KAT2B: variants seen among roughly 807,000 people sequenced by gnomAD.
KAT2B encodes histone acetyltransferase KAT2B.
A neutral mutation model predicts 105.9 loss-of-function variants in KAT2B; 36 were observed. That is an observed-to-expected ratio of 0.34 (90% CI 0.26 to 0.45). The LOEUF (loss-of-function observed/expected upper bound fraction) is 0.45, where lower values mean the gene tolerates loss of function less well. Among genes scored for constraint, KAT2B ranks in the 20% least tolerant of loss-of-function variants. The pLI is 1.00. For missense variants in KAT2B, 820 were observed against 1,021.6 expected, an observed-to-expected ratio of 0.80 and a Z score of 2.69; for synonymous variants, 397 against 377.9, an observed-to-expected ratio of 1.05 and a Z score of -0.59.
chr3:20,057,126 A>C (rs1698015533), intron 1 of KAT2B, among the ~76,000 whole-genome samples: 1 of 152,180 alleles, frequency 6.6e-6, no homozygotes. Flanking sequence ...TAGATCTGAC[A>C]GAGTTTGAAA....
intron 13 of KAT2B, 38 bp downstream of exon 13, chr3:20,140,402 C>T (rs749141180): frequency 6.2e-6 from 10 of 1,606,544 alleles, no homozygotes; most frequent in Non-Finnish European, 8.5e-6. Flanking sequence ...TCTGTACAGG[C>T]CAGTCTTAGC....
chr3:20,048,234 A>G (rs557770099), intron 1 of KAT2B, among the ~76,000 whole-genome samples: 1 of 152,334 alleles, frequency 6.6e-6, no homozygotes, highest in Non-Finnish European at 1.5e-5. Context: ...TCCAAATTTA[A>G]TTCTGTATCC....
chr3:20,086,074 C>T (rs1698609038), intron 2 of KAT2B, among the ~76,000 whole-genome samples: 1 of 149,958 alleles, frequency 6.7e-6, no homozygotes, highest in Non-Finnish European at 1.5e-5. Context: ...AGTTCGAGAC[C>T]AGCCTGGACA....
chr3:20,112,542 C>T (rs1008557617), intron 6 of KAT2B, among the ~76,000 whole-genome samples: 10 of 152,110 alleles, frequency 6.6e-5, no homozygotes, highest in African/African-American at 2.4e-4. Context: ...GTGGGATAGG[C>T]CAAGGGTGCA....
chr3:20,070,254 C>T (rs1179316726), intron 1 of KAT2B, among the ~76,000 whole-genome samples: 3 of 151,940 alleles, frequency 2.0e-5, no homozygotes, highest in East Asian at 1.9e-4. Flanking sequence ...GATTTTTCTT[C>T]TACCATGACC....
chr3:20,119,431 A>G (rs1000650172), intron 7 of KAT2B, among the ~76,000 whole-genome samples, 167 bp from the exon 8 acceptor site: 1 of 152,170 alleles, frequency 6.6e-6, no homozygotes, highest in Non-Finnish European at 1.5e-5. Flanking sequence ...TTAATGAGTT[A>G]TAGTCCCTGC....
chr3:20,095,456 AC>A, intron 3 of KAT2B, 48 bp downstream of exon 3: 1 of 1,361,862 alleles, frequency 7.3e-7, no homozygotes, highest in Non-Finnish European at 1.0e-6. Flanking sequence ...ATTCAAATGT[AC>A]CCAGTCTCCA....
At chr3:20,121,732 ATGTGTGTGTGTGTGTGTGTGTG>A (rs3840188) in intron 8 of KAT2B, among the ~76,000 whole-genome samples, 12 of 109,852 alleles carry the variant, frequency 1.1e-4, no homozygotes, top group Admixed American at 1.7e-4. Flanking sequence ...ACATATGCAT[ATGTGTGTGTGTGTGTGTGTGTG>A]TGTGTGTGTG....
At chr3:20,117,682 G>A (rs774833897) in intron 7 of KAT2B, among the ~76,000 whole-genome samples, 1 of 152,090 alleles carries the variant, frequency 6.6e-6, no homozygotes, top group Non-Finnish European at 1.5e-5. Flanking sequence ...TGTCCTTGTT[G>A]ACTGAACTGT....
In KAT2B at chr3:20,081,878, C is replaced by CATATATATATATATATATATAT. The variant is rs139743528; in HGVS notation, c.430+9431_430+9432insATATATATATATATATATATAT. On this transcript the variant is annotated intron_variant, in intron 2 of 17. Coordinates refer to ENST00000263754, the MANE Select transcript of KAT2B (RefSeq NM_003884.5). The stretch of plus-strand genomic sequence containing the variant: ...TTTATTTTATTTGCTGTCATTGGCT[C>CATATATATATATATATATATAT]ATATATATATATGTATAAATGTATA... Among the ~76,000 whole-genome samples the CATATATATATATATATATATAT allele has an allele frequency of 9.7e-3, 1,360 of 140,372 alleles. 22 individuals carry two copies. Among genetic ancestry groups the CATATATATATATATATATATAT allele is most frequent in the African/African-American group, 0.026 (908 of 35,050 alleles). The allele number at this position is 140,372 out of a possible 152,430, so 92.1% of individuals were successfully genotyped here.
intron 1 of KAT2B, 62 bp downstream of exon 1, chr3:20,040,842 C>CTCCCCCTCCCGCT: frequency 1.4e-6 from 2 of 1,480,952 alleles, no homozygotes; most frequent in South Asian, 1.3e-5. Context: ...CGGGACCCCC[C>CTCCCCCTCCCGCT]TCCCCCTCCC....
chr3:20,053,222 A>G (rs1697945844), intron 1 of KAT2B, among the ~76,000 whole-genome samples: 1 of 152,142 alleles, frequency 6.6e-6, no homozygotes, highest in South Asian at 2.1e-4. Context: ...CCTCTTCTGC[A>G]AGTTACAATT....
intron 5 of KAT2B, among the ~76,000 whole-genome samples, chr3:20,107,942 G>A (rs902842585): frequency 1.3e-5 from 2 of 151,094 alleles, no homozygotes; most frequent in African/African-American, 4.9e-5. Flanking sequence ...CCAAGTAGCT[G>A]GGACTACAGG....
chr3:20,063,869 T>C (rs1698181690), intron 1 of KAT2B, among the ~76,000 whole-genome samples: 1 of 152,056 alleles, frequency 6.6e-6, no homozygotes, highest in African/African-American at 2.4e-5. Flanking sequence ...TTGAAGTCTT[T>C]CATCTATTTT....
At position 20,061,973 on chromosome 3, in the gene KAT2B, TATATATAAAACATATA is replaced by T. The variant is rs1437135866; in HGVS notation, c.304-10336_304-10321del. Among the ~76,000 whole-genome samples the T allele has an allele frequency of 1.8e-4, 16 of 91,008 alleles. 1 individual carries two copies. The highest frequency in any genetic ancestry group is 3.0e-4 in the Non-Finnish European group (14 of 47,412). The allele number at this position is 91,008 out of a possible 152,430, so 59.7% of individuals were successfully genotyped here. A position where few individuals can be genotyped will look rare whatever the true frequency, so the allele number is the denominator to read the frequency against. On this transcript the variant is annotated intron_variant, in intron 1 of 17. Coordinates refer to ENST00000263754, the MANE Select transcript of KAT2B (RefSeq NM_003884.5). ...ATTATATATAAAACATAATATATAT[TATATATAAAACATATA>T]ATATATAAAACATATAATATATATT...
intron 13 of KAT2B, 91 bp downstream of exon 13, chr3:20,140,455 A>G: frequency 2.3e-6 from 3 of 1,291,566 alleles, no homozygotes; most frequent in Non-Finnish European, 3.3e-6. Flanking sequence ...GTATGTGTTT[A>G]CTGGATAGCA....
intron 1 of KAT2B, among the ~76,000 whole-genome samples, chr3:20,042,668 T>G (rs1697740614): frequency 6.6e-6 from 1 of 152,214 alleles, no homozygotes; most frequent in African/African-American, 2.4e-5. Flanking sequence ...ATTTATTGGG[T>G]TCTCATCACC....
At chr3:20,099,832 T>C (rs775022480) in intron 3 of KAT2B, 30 bp from the exon 4 acceptor site, 2 of 1,292,904 alleles carry the variant, frequency 1.5e-6, no homozygotes, top group Non-Finnish European at 2.2e-6. Context: ...TAAGTTTTTC[T>C]TTTTCTTTTT....
intron 12 of KAT2B, 70 bp downstream of exon 12, chr3:20,137,122 C>A: frequency 1.3e-6 from 1 of 788,306 alleles, no homozygotes; most frequent in South Asian, 1.5e-5. Context: ...AGCGTTCTTC[C>A]AAATAAGTTT....
Sources: allele counts gnomAD v4.1 joint callset (sites outside exome capture counted in the v4.1 genomes callset), GRCh38; gene constraint gnomAD v4.1.1; transcripts MANE v1.5; gene names NCBI Gene and HGNC (gene_info 2026-07-23, HGNC 2026-07-21).